Variants in ALK observed in about 807,000 individuals in gnomAD.
The protein encoded by ALK is ALK receptor tyrosine kinase.
ALK carries 74 observed loss-of-function variants against 163.1 expected under a neutral mutation model. That is an observed-to-expected ratio of 0.45 (90% CI 0.38 to 0.55). The LOEUF is 0.55. ALK is among the 20% of genes least tolerant of loss of function. ALK has a pLI of 0.00. For synonymous variants in ALK, 960 were observed against 843.2 expected, an observed-to-expected ratio of 1.14 and a Z score of -2.40; for missense variants, 2,063 against 2,105.3, an observed-to-expected ratio of 0.98 and a Z score of 0.39.
intron 5 of ALK, among the ~76,000 whole-genome samples, chr2:29,331,050 A>C (rs559957093): frequency 6.6e-6 from 1 of 152,310 alleles, no homozygotes; most frequent in Non-Finnish European, 1.5e-5. Context: ...CTGAAATCCC[A>C]GACAGCCGAG....
chr2:29,671,265 T>C (rs2148270344), intron 3 of ALK, among the ~76,000 whole-genome samples: 1 of 152,190 alleles, frequency 6.6e-6, no homozygotes, highest in East Asian at 1.9e-4. Context: ...CTGTTCCAAA[T>C]GGGGGAGGTC....
At chr2:29,855,973 A>G (rs540335868) in intron 1 of ALK, among the ~76,000 whole-genome samples, 1 of 152,352 alleles carries the variant, frequency 6.6e-6, no homozygotes, top group Admixed American at 6.5e-5. Flanking sequence ...AAAATTCATG[A>G]TAATTACATA....
At chr2:29,875,060 TA>T (rs1666669206) in intron 1 of ALK, among the ~76,000 whole-genome samples, 2 of 152,218 alleles carry the variant, frequency 1.3e-5, no homozygotes, top group African/African-American at 4.8e-5. Flanking sequence ...CTCAGATACC[TA>T]TAAACCAATG....
intron 2 of ALK, among the ~76,000 whole-genome samples, chr2:29,709,082 A>G (rs1172694600): frequency 2.0e-5 from 3 of 152,204 alleles, no homozygotes; most frequent in Admixed American, 6.5e-5. Flanking sequence ...GTTGGTTAGA[A>G]GTGCTCTGTA....
At chr2:29,779,391 T>A (rs1681273146) in intron 1 of ALK, among the ~76,000 whole-genome samples, 1 of 152,122 alleles carries the variant, frequency 6.6e-6, no homozygotes, top group Non-Finnish European at 1.5e-5. Context: ...CATGCTTCCT[T>A]GGTTATAATG....
intron 1 of ALK, among the ~76,000 whole-genome samples, chr2:29,856,889 G>C (rs1022988014): frequency 1.3e-5 from 2 of 152,172 alleles, no homozygotes; most frequent in Admixed American, 6.5e-5. Context: ...AGTTTCTCCC[G>C]CCTCTAGGAT....
intron 4 of ALK, among the ~76,000 whole-genome samples, chr2:29,452,332 G>GTTTTTTTTTTT (rs66533654): frequency 2.7e-5 from 4 of 146,104 alleles, no homozygotes; most frequent in African/African-American, 7.6e-5. Flanking sequence ...AGTTTTTTTT[G>GTTTTTTTTTTT]TTTTTTTTTT....
rs1669229756 is a variant in ALK at position 29,203,416 on chromosome 2, A to G, written c.3938+3755T>C. 4.8e-5 allele frequency among the ~76,000 whole-genome samples: 5 copies of G among 103,160 alleles called. No homozygotes were observed. In the South Asian group the frequency reaches 1.3e-3, roughly 26 times the overall value. The allele number at this position is 103,160 out of a possible 152,430, so 67.7% of individuals were successfully genotyped here. ...TTATCTTTTATCTCTATTATTTTTT[A>G]CTATTAATTTTTAAATTTTCTTTGT... On this transcript the variant is annotated intron_variant, in intron 26 of 28. Coordinates refer to ENST00000389048, the MANE Select transcript of ALK (RefSeq NM_004304.5).
At chr2:29,873,634 G>A (rs1666631583) in intron 1 of ALK, among the ~76,000 whole-genome samples, 3 of 152,136 alleles carry the variant, frequency 2.0e-5, no homozygotes, top group African/African-American at 7.2e-5. Context: ...ATTCTAGGAA[G>A]AGAATTGAGC....
At chr2:29,244,479 A>G (rs1017198627) in intron 12 of ALK, among the ~76,000 whole-genome samples, 5 of 152,152 alleles carry the variant, frequency 3.3e-5, no homozygotes, top group Admixed American at 2.6e-4. Flanking sequence ...GGGCCGGCCC[A>G]GGTTCCACTC....
At chr2:29,319,406 A>T (rs1666938338) in intron 7 of ALK, among the ~76,000 whole-genome samples, 1 of 152,222 alleles carries the variant, frequency 6.6e-6, no homozygotes, top group Admixed American at 6.5e-5. Context: ...AGATCTCAGC[A>T]AGCATGAGGG....
intron 1 of ALK, among the ~76,000 whole-genome samples, chr2:29,894,604 A>C (rs1043361601): frequency 1.3e-5 from 2 of 151,966 alleles, no homozygotes; most frequent in African/African-American, 4.8e-5. Context: ...GGGACCAGCA[A>C]AACCCCAAGC....
At chr2:29,820,789 T>A (rs1489597929) in intron 1 of ALK, among the ~76,000 whole-genome samples, 2 of 152,190 alleles carry the variant, frequency 1.3e-5, no homozygotes, top group Non-Finnish European at 2.9e-5. Context: ...AGAACAGAAG[T>A]GATGTGATGT....
intron 1 of ALK, among the ~76,000 whole-genome samples, chr2:29,795,742 C>A (rs1003617091): frequency 6.6e-6 from 1 of 152,118 alleles, no homozygotes; most frequent in Non-Finnish European, 1.5e-5. Flanking sequence ...TTTAAACTCA[C>A]AAAGACTGAT....
At chr2:29,586,748 A>G (rs1674900744) in intron 3 of ALK, among the ~76,000 whole-genome samples, 1 of 152,214 alleles carries the variant, frequency 6.6e-6, no homozygotes, top group South Asian at 2.1e-4. Context: ...GCTACCTACC[A>G]AAATATATAA....
intron 4 of ALK, among the ~76,000 whole-genome samples, chr2:29,483,670 T>C (rs1195144550): frequency 2.0e-5 from 3 of 152,204 alleles, no homozygotes; most frequent in African/African-American, 7.2e-5. Context: ...CTTTATCAAG[T>C]CATTACTTTT....
intron 4 of ALK, among the ~76,000 whole-genome samples, chr2:29,507,614 G>A (rs1028911688): frequency 6.6e-6 from 1 of 152,200 alleles, no homozygotes; most frequent in Non-Finnish European, 1.5e-5. Context: ...GCCCAAATCA[G>A]GAGGAGCAGG....
intron 7 of ALK, among the ~76,000 whole-genome samples, 165 bp downstream of exon 7, chr2:29,320,586 A>G (rs995568892): frequency 6.6e-6 from 1 of 152,206 alleles, no homozygotes; most frequent in Admixed American, 6.5e-5. Flanking sequence ...AATCACTCGA[A>G]AGCCCAAGGT....
At chr2:29,868,720 G>A (rs1456472071) in intron 1 of ALK, among the ~76,000 whole-genome samples, 1 of 152,142 alleles carries the variant, frequency 6.6e-6, no homozygotes, top group Non-Finnish European at 1.5e-5. Flanking sequence ...CTACAAAAAT[G>A]TCTCCCATCC....
Sources: allele counts gnomAD v4.1 joint callset (sites outside exome capture counted in the v4.1 genomes callset), GRCh38; gene constraint gnomAD v4.1.1; transcripts MANE v1.5; gene names NCBI Gene and HGNC (gene_info 2026-07-23, HGNC 2026-07-21).